The following F13B variants were observed in gnomAD, a reference collection of about 807,000 sequenced individuals.
F13B encodes coagulation factor XIII B chain.
F13B carries 58 observed loss-of-function variants against 79.8 expected under a neutral mutation model. The ratio of observed to expected loss-of-function variants is 0.73; its 90% CI spans 0.59 to 0.90. F13B has a LOEUF of 0.90. Ranked by LOEUF, F13B falls within the 40% of genes least tolerant of loss-of-function variation. F13B has a pLI of 0.00. For synonymous variants in F13B, 283 were observed against 260.3 expected, an observed-to-expected ratio of 1.09 and a Z score of -0.84; for missense variants, 773 against 777.0, an observed-to-expected ratio of 0.99 and a Z score of 0.06.
chr1:197,048,073 C>T (rs1445768530), intron 10 of F13B, among the ~76,000 whole-genome samples: 1 of 151,790 alleles, frequency 6.6e-6, no homozygotes, highest in Non-Finnish European at 1.5e-5. Context: ...CAACATGGCA[C>T]ATGTATACCT....
At chr1:197,064,348 C>T (rs1190591416) in intron 1 of F13B, among the ~76,000 whole-genome samples, 3 of 152,042 alleles carry the variant, frequency 2.0e-5, no homozygotes, top group Non-Finnish European at 4.4e-5. Flanking sequence ...CTTATAGTGG[C>T]AGTATTCATA....
intron 7 of F13B, 54 bp downstream of exon 7, chr1:197,056,959 T>C: frequency 6.3e-7 from 1 of 1,589,944 alleles, no homozygotes; most frequent in Non-Finnish European, 8.6e-7. Context: ...AGTAACAGAA[T>C]GGAAAATTTT....
At chr1:197,043,465 G>T (rs1480817742) in intron 10 of F13B, among the ~76,000 whole-genome samples, 6 of 152,080 alleles carry the variant, frequency 3.9e-5, no homozygotes, top group Non-Finnish European at 7.4e-5. Flanking sequence ...AGAATTTGGG[G>T]CTAAAAAATA....
intron 10 of F13B, among the ~76,000 whole-genome samples, chr1:197,042,445 C>T (rs911911920): frequency 6.6e-6 from 1 of 152,000 alleles, no homozygotes; most frequent in Non-Finnish European, 1.5e-5. Context: ...AAACAGGAAG[C>T]ATTTCGAGGT....
At chr1:197,063,582 A>G (rs1324492894) in intron 1 of F13B, among the ~76,000 whole-genome samples, 2 of 152,132 alleles carry the variant, frequency 1.3e-5, no homozygotes, top group Non-Finnish European at 2.9e-5. Flanking sequence ...GGCCTCCCAA[A>G]GCACTAGGAT....
Position 197,039,151 on chromosome 1 carries a change from G to C in F13B, c.*227C>G. The C allele has an allele frequency of 2.0e-6, 1 of 496,386 alleles. No individual in the cohort carries two copies. Among genetic ancestry groups the C allele is most frequent in the South Asian group, 2.7e-5 (1 of 36,772 alleles). 30.7% of individuals were successfully genotyped at this position (496,386 alleles called of 1,614,324 possible). A position where few individuals can be genotyped will look rare whatever the true frequency, so the allele number is the denominator to read the frequency against. On this transcript the variant is annotated 3_prime_UTR_variant, in exon 12 of 12. Transcript: ENST00000367412. ...ATGTGTAGATTAATTTGTAACAGAT[G>C]GAAGACATACAAAAGAGATTAAGTT...
intron 10 of F13B, among the ~76,000 whole-genome samples, chr1:197,049,565 C>T (rs1282727297): frequency 5.9e-5 from 9 of 152,032 alleles, no homozygotes; most frequent in Non-Finnish European, 7.4e-5. Context: ...TTAAACAAAT[C>T]GAAGCTGTCA....
At chr1:197,041,904 T>C (rs1384488351) in intron 10 of F13B, among the ~76,000 whole-genome samples, 1 of 152,208 alleles carries the variant, frequency 6.6e-6, no homozygotes, top group Non-Finnish European at 1.5e-5. Flanking sequence ...AGCATACATT[T>C]ATTTTTCCTT....
rs187213551 is a variant in F13B, at chr1:197,040,255, G to A, written c.1952+267C>T. ...ATTTTTGCACATTGAAATATTGCAC[G>A]TATAAATTGGTTTATTTTTCCATTT... On this transcript the variant is annotated intron_variant, in intron 11 of 11. Coordinates refer to ENST00000367412, the MANE Select transcript of F13B (RefSeq NM_001994.3). 3.0e-3 allele frequency: 1,204 copies of A among 401,666 alleles called. 13 individuals are homozygous for A. Among genetic ancestry groups the A allele is most frequent in the African/African-American group, 0.022 (1,114 of 49,578 alleles). 24.9% of individuals were successfully genotyped at this position (401,666 alleles called of 1,614,324 possible).
chr1:197,066,680 A>G (rs1012841915), intron 1 of F13B, among the ~76,000 whole-genome samples: 1 of 152,186 alleles, frequency 6.6e-6, no homozygotes, highest in African/African-American at 2.4e-5. Context: ...CCAACAAATG[A>G]ATAATTCATT....
intron 9 of F13B, 103 bp downstream of exon 9, chr1:197,052,531 G>A: frequency 1.3e-6 from 1 of 752,634 alleles, no homozygotes; most frequent in Non-Finnish European, 2.1e-6. Context: ...AAATTAAAAA[G>A]AATAATAATA....
intron 8 of F13B, 65 bp from the exon 9 acceptor site, chr1:197,052,899 A>G: frequency 1.5e-6 from 2 of 1,321,496 alleles, no homozygotes; most frequent in Non-Finnish European, 2.1e-6. Context: ...GATATTTTTT[A>G]AAACAAAAAT....
In F13B at chr1:197,046,990, A is replaced by G. The variant is rs573822788; in HGVS notation, c.1738+3707T>C. On this transcript the variant is annotated intron_variant, in intron 10 of 11. Transcript: ENST00000367412. ...AGCTGAAACTGGATCACTTCCTTATACCTTATACAAAAATTAACTCAAGAT... is the reference window on the plus strand; with the variant it reads ...AGCTGAAACTGGATCACTTCCTTATGCCTTATACAAAAATTAACTCAAGAT... 3.9e-5 allele frequency among the ~76,000 whole-genome samples: 6 copies of G among 152,314 alleles called. No individual in the cohort carries two copies. In the East Asian group the frequency reaches 1.2e-3, roughly 29 times the overall value.
chr1:197,041,278 CAA>C (rs1655027499), intron 10 of F13B, among the ~76,000 whole-genome samples: 1 of 152,066 alleles, frequency 6.6e-6, no homozygotes, highest in African/African-American at 2.4e-5. Flanking sequence ...TAAGAAATAT[CAA>C]GACTGGATTA....
chr1:197,045,994 A>C (rs1655215820), intron 10 of F13B, among the ~76,000 whole-genome samples: 1 of 152,196 alleles, frequency 6.6e-6, no homozygotes, highest in Non-Finnish European at 1.5e-5. Context: ...TCAATAAACA[A>C]GGTATTGAGG....
chr1:197,039,435 T>C, intron 11 of F13B, 24 bp from the exon 12 acceptor site: 1 of 1,603,746 alleles, frequency 6.2e-7, no homozygotes, highest in Non-Finnish European at 8.5e-7. Flanking sequence ...AGAGAGATTT[T>C]TGAAATAAGC....
chr1:197,059,679 T>G (rs1162409974), intron 5 of F13B, among the ~76,000 whole-genome samples: 1 of 152,194 alleles, frequency 6.6e-6, no homozygotes, highest in Non-Finnish European at 1.5e-5. Context: ...ACTTTGTACC[T>G]GAGTTGATTG....
chr1:197,061,233 T>G (rs978897787), intron 3 of F13B, among the ~76,000 whole-genome samples, 158 bp from the exon 4 acceptor site: 1 of 152,076 alleles, frequency 6.6e-6, no homozygotes, highest in African/African-American at 2.4e-5. Context: ...TCTATTCTCT[T>G]CTTCATACAC....
chr1:197,058,849 T>C (rs1655740359), intron 5 of F13B, among the ~76,000 whole-genome samples: 1 of 152,112 alleles, frequency 6.6e-6, no homozygotes, highest in African/African-American at 2.4e-5. Context: ...ATATTAGCCA[T>C]TGTATGCCTA....
Sources: gnomAD v4.1 joint callset for allele counts (sites outside exome capture counted in the v4.1 genomes callset) on GRCh38, gnomAD v4.1.1 for gene constraint, MANE v1.5 for transcripts, NCBI Gene and HGNC (gene_info 2026-07-23, HGNC 2026-07-21) for gene names.